PDE4D: variants seen among roughly 807,000 people sequenced by gnomAD.
PDE4D encodes 3',5'-cyclic-AMP phosphodiesterase 4D.
PDE4D carries 24 observed loss-of-function variants against 87.4 expected under a neutral mutation model. That is an observed-to-expected ratio of 0.27 (90% CI 0.20 to 0.39). The LOEUF is 0.39. Ranked by LOEUF, PDE4D falls within the 10% of genes least tolerant of loss-of-function variation. PDE4D has a pLI of 1.00. For synonymous variants in PDE4D, 384 were observed against 383.2 expected (o/e 1.00, Z -0.02); for missense variants, 714 against 1,041.0 (o/e 0.69, Z 4.32).
intron 1 of PDE4D, chr5:59,529,379 G>A: frequency 3.9e-6 from 1 of 258,196 alleles, no homozygotes; most frequent in South Asian, 4.6e-5. Flanking sequence ...ACAGGTAGGA[G>A]CAATGCTACT....
At chr5:60,254,652 A>G (rs1748851066) in intron 1 of PDE4D, among the ~76,000 whole-genome samples, 1 of 151,962 alleles carries the variant, frequency 6.6e-6, no homozygotes, top group South Asian at 2.1e-4. Context: ...AAAATCATGT[A>G]GAATGCTTAA....
Position 58,990,914 on chromosome 5 carries a change from A to G in PDE4D, c.1189-12T>C. On this transcript the variant is annotated splice_polypyrimidine_tract_variant and intron_variant, in intron 8 of 14. Coordinates refer to ENST00000340635, the MANE Select transcript of PDE4D (RefSeq NM_001104631.2). ...ACATCTTCTAGTTCCTGGAGTGAAAAAAAAAAAAAGATACTAAAATATTAG... is the reference window on the plus strand; with the variant it reads ...ACATCTTCTAGTTCCTGGAGTGAAAGAAAAAAAAAGATACTAAAATATTAG... The G allele has an allele frequency of 7.3e-7, 1 of 1,376,310 alleles. No homozygotes were observed. Among genetic ancestry groups the G allele is most frequent in the Non-Finnish European group, 1.0e-6 (1 of 999,008 alleles). 85.3% of individuals were successfully genotyped at this position (1,376,310 alleles called of 1,614,324 possible). A position where few individuals can be genotyped will look rare whatever the true frequency, so the allele number is the denominator to read the frequency against.
chr5:60,305,038 T>TATACACAC (rs1554202216), intron 1 of PDE4D, among the ~76,000 whole-genome samples: 255 of 135,936 alleles, frequency 1.9e-3, no homozygotes, highest in African/African-American at 6.3e-3. Flanking sequence ...TTTTGAGCTA[T>TATACACAC]ACACACACAC....
intron 1 of PDE4D, among the ~76,000 whole-genome samples, chr5:60,375,530 G>A (rs1173470716): frequency 6.6e-6 from 1 of 152,110 alleles, no homozygotes; most frequent in Non-Finnish European, 1.5e-5. Context: ...TACTTAATTT[G>A]TGCCAGGCAG....
At chr5:59,762,371 C>CATGTGTAT (rs368631029) in intron 1 of PDE4D, among the ~76,000 whole-genome samples, 1 of 74,176 alleles carries the variant, frequency 1.3e-5, no homozygotes, top group Non-Finnish European at 2.8e-5. Flanking sequence ...TATGGGTACA[C>CATGTGTAT]ATGTGTATAT....
chr5:59,893,819 G>A (rs902841123), upstream of PDE4D: 1 of 1,328,582 alleles, frequency 7.5e-7, no homozygotes, highest in African/African-American at 1.6e-5. Context: ...AGGGGTCACA[G>A]AACGCGGCAG....
chr5:59,427,337 A>ACG (rs10587603), intron 1 of PDE4D, among the ~76,000 whole-genome samples: 3 of 135,584 alleles, frequency 2.2e-5, no homozygotes, highest in Non-Finnish European at 4.6e-5. Flanking sequence ...ACACACACAC[A>ACG]CGCCCCTATG....
intron 1 of PDE4D, among the ~76,000 whole-genome samples, chr5:59,389,319 TA>T (rs1451754002): frequency 6.7e-6 from 1 of 149,414 alleles, no homozygotes; most frequent in Non-Finnish European, 1.5e-5. Context: ...TCAAGAAATT[TA>T]AAAGTAAATT....
intron 1 of PDE4D, among the ~76,000 whole-genome samples, chr5:59,887,122 A>G (rs1345038500): frequency 1.3e-5 from 2 of 152,172 alleles, no homozygotes; most frequent in Non-Finnish European, 2.9e-5. Context: ...GGAAGAGTCT[A>G]AGAATGCCAC....
intron 5 of PDE4D, among the ~76,000 whole-genome samples, chr5:59,110,707 A>G (rs1772468903): frequency 6.6e-6 from 1 of 152,102 alleles, no homozygotes; most frequent in Admixed American, 6.5e-5. Context: ...CCCGATCTTT[A>G]CAAAAGATAC....
chr5:59,224,559 A>G (rs766492845), intron 1 of PDE4D, among the ~76,000 whole-genome samples: 67 of 152,246 alleles, frequency 4.4e-4, no homozygotes, highest in Non-Finnish European at 8.8e-4. Context: ...TAAAAGGCCA[A>G]TTTTTCTGAA....
At chr5:58,992,159 A>G (rs1748061447) in intron 7 of PDE4D, among the ~76,000 whole-genome samples, 155 bp from the exon 8 acceptor site, 1 of 152,214 alleles carries the variant, frequency 6.6e-6, no homozygotes. Flanking sequence ...TTTACATTTG[A>G]ATTGGACTTA....
intron 2 of PDE4D, among the ~76,000 whole-genome samples, chr5:60,174,256 G>A (rs1783724620): frequency 1.3e-5 from 2 of 152,252 alleles, no homozygotes; most frequent in South Asian, 2.1e-4. Context: ...GCCAATGACT[G>A]AATCTTGGGG....
At chr5:59,089,534 GATCT>G (rs1768317715) in intron 5 of PDE4D, among the ~76,000 whole-genome samples, 1 of 152,070 alleles carries the variant, frequency 6.6e-6, no homozygotes, top group South Asian at 2.1e-4. Context: ...ACAACTCTTA[GATCT>G]ATTTGATAGC....
chr5:60,091,922 G>A (rs573630479), intron 2 of PDE4D, among the ~76,000 whole-genome samples: 7 of 151,272 alleles, frequency 4.6e-5, no homozygotes, highest in South Asian at 2.1e-4. Flanking sequence ...ATGGTGGCGC[G>A]TGCCTGTAGT....
At chr5:59,068,420 A>G (rs946254172) in intron 5 of PDE4D, among the ~76,000 whole-genome samples, 11 of 152,168 alleles carry the variant, frequency 7.2e-5, no homozygotes, top group African/African-American at 2.7e-4. Flanking sequence ...TTACTCAAAA[A>G]TGTATATTGA....
At chr5:59,093,718 T>C (rs889025885) in intron 5 of PDE4D, among the ~76,000 whole-genome samples, 6 of 152,216 alleles carry the variant, frequency 3.9e-5, no homozygotes, top group East Asian at 1.9e-4. Flanking sequence ...TGTGTGCATA[T>C]GCACCTGTAT....
chr5:60,201,206 CAAA>C (rs1161235940), intron 1 of PDE4D, among the ~76,000 whole-genome samples: 3 of 61,948 alleles, frequency 4.8e-5, no homozygotes, highest in Admixed American at 1.7e-4. Flanking sequence ...AAAAAGAAAG[CAAA>C]AAAAAAAAAA....
At chr5:59,136,146 A>G (rs933065500) in intron 5 of PDE4D, among the ~76,000 whole-genome samples, 6 of 152,200 alleles carry the variant, frequency 3.9e-5, no homozygotes, top group Non-Finnish European at 7.3e-5. Flanking sequence ...ACTCCTCAAG[A>G]TAATTGATTC....
Sources: allele counts gnomAD v4.1 joint callset (sites outside exome capture counted in the v4.1 genomes callset), GRCh38; gene constraint gnomAD v4.1.1; transcripts MANE v1.5; gene names NCBI Gene and HGNC (gene_info 2026-07-23, HGNC 2026-07-21).